The following OR51B5 variants were observed in gnomAD, a reference collection of about 807,000 sequenced individuals.
The protein encoded by OR51B5 is olfactory receptor 51B5.
For synonymous variants in OR51B5, 186 were observed against 144.8 expected (o/e 1.28, Z -2.04); for missense variants, 456 against 374.6 (o/e 1.22, Z -1.79).
intron 1 of OR51B5, among the ~76,000 whole-genome samples, chr11:5,373,910 C>G (rs1488570188): frequency 6.6e-6 from 1 of 152,124 alleles, no homozygotes; most frequent in African/African-American, 2.4e-5. Flanking sequence ...AGGGCACAGA[C>G]AAACAAAAAG....
intron 1 of OR51B5, among the ~76,000 whole-genome samples, chr11:5,388,117 T>C (rs982596905): frequency 6.6e-6 from 1 of 152,146 alleles, no homozygotes; most frequent in Non-Finnish European, 1.5e-5. Flanking sequence ...TAATTGAATA[T>C]TGAAATAATT....
chr11:5,371,538 C>A (rs979012369), intron 1 of OR51B5, among the ~76,000 whole-genome samples: 3 of 152,102 alleles, frequency 2.0e-5, no homozygotes, highest in Non-Finnish European at 4.4e-5. Context: ...CAAAGGGTTA[C>A]ATAAGTTTTA....
At chr11:5,505,317 C>T (rs1401603693) in intron 1 of OR51B5, 17 of 1,302,726 alleles carry the variant, frequency 1.3e-5, no homozygotes, top group Non-Finnish European at 1.7e-5. Context: ...CAATGTATAT[C>T]TTCCCCAGTC....
At chr11:5,376,846 A>G (rs1295546467) in intron 1 of OR51B5, among the ~76,000 whole-genome samples, 3 of 148,214 alleles carry the variant, frequency 2.0e-5, no homozygotes, top group Non-Finnish European at 4.5e-5. Context: ...AGAGTCCAGG[A>G]CCAGATGGAT....
intron 1 of OR51B5, chr11:5,455,629 G>T (rs1009363680): frequency 7.0e-6 from 1 of 143,690 alleles, no homozygotes. Context: ...GAAAGAGAGA[G>T]AGAGAGATGC....
At chr11:5,504,066 G>C (rs192590692) in intron 1 of OR51B5, among the ~76,000 whole-genome samples, 1 of 152,010 alleles carries the variant, frequency 6.6e-6, no homozygotes. Flanking sequence ...AACAGAGCCT[G>C]ACATATAGTA....
intron 1 of OR51B5, among the ~76,000 whole-genome samples, chr11:5,439,332 A>C (rs1850640042): frequency 6.6e-6 from 1 of 152,112 alleles, no homozygotes; most frequent in Non-Finnish European, 1.5e-5. Flanking sequence ...GGAGATATTA[A>C]GGTTATAAAT....
intron 1 of OR51B5, among the ~76,000 whole-genome samples, chr11:5,434,604 C>T (rs1466217988): frequency 6.6e-6 from 1 of 152,104 alleles, no homozygotes; most frequent in Non-Finnish European, 1.5e-5. Flanking sequence ...TCATCTTCAG[C>T]AGGAAGTAAG....
intron 1 of OR51B5, among the ~76,000 whole-genome samples, chr11:5,364,068 C>G (rs1849328377): frequency 6.6e-6 from 1 of 152,164 alleles, no homozygotes; most frequent in Non-Finnish European, 1.5e-5. Context: ...GGTACTATCT[C>G]ATTCTCCATG....
rs1180169568 is a variant in OR51B5 at position 5,478,249 on chromosome 11, A to G, written n.84+27320T>C. ...CTGGGAGGCACCCCCCAGCAGGGGC[A>G]TACTGACACCTCACACGGCAGGGTA... On this transcript the variant is annotated intron_variant and non_coding_transcript_variant, in intron 1 of 4. Transcript: ENST00000415970. Among the ~76,000 whole-genome samples, 368 of 152,142 alleles carry G rather than the reference A, an allele frequency of 2.4e-3. 1 individual carries two copies. The highest frequency in any genetic ancestry group is 3.8e-3 in the Non-Finnish European group (255 of 67,980).
Position 5,343,066 on chromosome 11 carries a change from G to C in OR51B5, c.459C>G (p.Ser153=), listed in dbSNP as rs62000378. The change falls in exon 1 of 1, where the codon TCC becomes TCG. Residue 153 remains serine, a synonymous_variant. Coordinates refer to ENST00000300773, the Ensembl canonical transcript of OR51B5. ...AGAGGGGCCTGATTGGGGGAACAAC[G>C]GATACAAATCCCCTCATCAGAACTC... The C allele has an allele frequency of 8.3e-4, 1,342 of 1,613,050 alleles. 9 individuals carry two copies. The African/African-American group carries it at 0.016, about 20-fold the overall frequency.
intron 1 of OR51B5, among the ~76,000 whole-genome samples, chr11:5,446,524 A>G (rs985770591): frequency 2.6e-5 from 4 of 152,208 alleles, no homozygotes; most frequent in Admixed American, 1.3e-4. Context: ...AGTGATATCA[A>G]TGTCCTTTAA....
intron 1 of OR51B5, among the ~76,000 whole-genome samples, chr11:5,461,155 C>T (rs1399080072): frequency 6.6e-6 from 1 of 152,110 alleles, no homozygotes; most frequent in Non-Finnish European, 1.5e-5. Context: ...AAGTGAGGGC[C>T]CTGGTGAGTG....
At chr11:5,377,709 C>G (rs6578618) in intron 1 of OR51B5, among the ~76,000 whole-genome samples, 4 of 149,738 alleles carry the variant, frequency 2.7e-5, no homozygotes, top group Non-Finnish European at 4.5e-5. Flanking sequence ...CTCCCATTCA[C>G]AATTGCTTCA....
At chr11:5,420,964 C>T (rs1850324742) in intron 1 of OR51B5, among the ~76,000 whole-genome samples, 1 of 152,190 alleles carries the variant, frequency 6.6e-6, no homozygotes, top group Admixed American at 6.5e-5. Flanking sequence ...TCTCTTGCCC[C>T]TGTAAACTCT....
intron 1 of OR51B5, among the ~76,000 whole-genome samples, chr11:5,501,184 C>T (rs893863978): frequency 6.8e-6 from 1 of 147,442 alleles, no homozygotes; most frequent in Non-Finnish European, 1.5e-5. Context: ...CTCTGACTTG[C>T]CTGATACAGA....
intron 1 of OR51B5, among the ~76,000 whole-genome samples, chr11:5,425,356 C>A (rs1328661181): frequency 6.6e-6 from 1 of 152,088 alleles, no homozygotes; most frequent in African/African-American, 2.4e-5. Flanking sequence ...TCTTGATGAG[C>A]GATATCTATC....
intron 1 of OR51B5, among the ~76,000 whole-genome samples, chr11:5,457,851 T>A (rs1850983072): frequency 1.3e-5 from 2 of 152,200 alleles, no homozygotes. Flanking sequence ...TGTTTATAGA[T>A]TCTGGATATT....
intron 1 of OR51B5, among the ~76,000 whole-genome samples, chr11:5,364,042 G>C (rs1589955340): frequency 6.6e-6 from 1 of 152,186 alleles, no homozygotes; most frequent in African/African-American, 2.4e-5. Context: ...ATTATGTGAT[G>C]TGGACCTCTG....
Sources: allele counts gnomAD v4.1 joint callset (sites outside exome capture counted in the v4.1 genomes callset), GRCh38; gene constraint gnomAD v4.1.1; transcripts MANE v1.5; gene names NCBI Gene and HGNC (gene_info 2026-07-23, HGNC 2026-07-21).